Variants in WDR53 observed in about 807,000 individuals in gnomAD.
The protein encoded by WDR53 is WD repeat-containing protein 53.
WDR53 carries 19 observed loss-of-function variants against 21.3 expected under a neutral mutation model. That is an observed-to-expected ratio of 0.89 (90% CI 0.62 to 1.31). WDR53 has a LOEUF of 1.31. Among genes scored for constraint, WDR53 ranks in the 50% most tolerant of loss-of-function variants. The pLI, the probability that WDR53 is intolerant of heterozygous loss-of-function variation, is 0.00. For synonymous variants in WDR53, 157 were observed against 163.4 expected, an observed-to-expected ratio of 0.96 and a Z score of 0.30; for missense variants, 374 against 423.2, an observed-to-expected ratio of 0.88 and a Z score of 1.02.
chr3:196,564,304 G>C (rs1735160435), intron 2 of WDR53, among the ~76,000 whole-genome samples: 1 of 152,012 alleles, frequency 6.6e-6, no homozygotes, highest in Non-Finnish European at 1.5e-5. Context: ...TCATGATAAA[G>C]ATGCTATCCT....
At chr3:196,566,570 C>T (rs768884331) in intron 2 of WDR53, among the ~76,000 whole-genome samples, 21 of 152,226 alleles carry the variant, frequency 1.4e-4, no homozygotes, top group African/African-American at 4.1e-4. Flanking sequence ...TGCACCACCA[C>T]GCCCGGTTAA....
rs750744733 is a variant in WDR53 at position 196,554,779 on chromosome 3, C to T, written c.509G>A (p.Arg170Gln). ...QVMLWSLQKA[R>Q]PLWITNLQED... Reference sequence around the variant, plus strand: ...CTGTAAATTTGTAATCCAGAGTGGTCGGGCTTTTTGAAGACTCCACAGCAT... The same window carrying T: ...CTGTAAATTTGTAATCCAGAGTGGTTGGGCTTTTTGAAGACTCCACAGCAT... Residue 170 changes from arginine (R) to glutamine (Q), a missense_variant, in exon 4 of 4, where the codon CGA (arginine) becomes CAA (glutamine). By Grantham distance (43) the Arg-to-Gln change is conservative. Transcript: ENST00000332629. 18 of 1,613,936 alleles carry T rather than the reference C, an allele frequency of 1.1e-5. No homozygotes were observed. Among genetic ancestry groups the T allele is most frequent in the East Asian group, 2.2e-5 (1 of 44,884 alleles).
At position 196,554,225 on chromosome 3, in the gene WDR53, A is replaced by C; in HGVS notation, c.1063T>G (p.Leu355Val). 1 of 1,574,336 alleles carries C rather than the reference A, an allele frequency of 6.4e-7. No individual in the cohort carries two copies. The highest frequency in any genetic ancestry group is 8.6e-7 in the Non-Finnish European group (1 of 1,158,770). ...TTTTATTGGATTTAAAATTCATTTA[A>C]GGGGTATACAGATATACAACTAGTT... ...DQTSCISVYP[L>V]NEF is the part of the protein sequence containing the mutation. The change falls in exon 4 of 4, where the codon TTA becomes GTA. Residue 355 changes from leucine to valine, a missense_variant. Coordinates refer to ENST00000332629, the MANE Select transcript of WDR53 (RefSeq NM_182627.3).
At chr3:196,565,799 T>C (rs139319728) in intron 2 of WDR53, among the ~76,000 whole-genome samples, 28 of 152,336 alleles carry the variant, frequency 1.8e-4, no homozygotes, top group South Asian at 8.3e-4. Flanking sequence ...GGAAAAAATG[T>C]AATTAAAGTT....
Position 196,554,926 on chromosome 3 carries a change from G to A in WDR53, c.481-119C>T, listed in dbSNP as rs148164302. The A allele has an allele frequency of 3.6e-4, 271 of 760,554 alleles. 1 individual carries two copies. In the East Asian group the frequency reaches 6.2e-3, roughly 17 times the overall value. The allele number at this position is 760,554 out of a possible 1,614,324, so 47.1% of individuals were successfully genotyped here. On this transcript the variant is annotated intron_variant, in intron 3 of 3. Coordinates refer to ENST00000332629, the MANE Select transcript of WDR53 (RefSeq NM_182627.3). Reference sequence around the variant, plus strand: ...AGTCTGAGAATGAGCAGTAGTGCACGTTCTCAGCAGTATTAAAAAATAATC... The same window carrying A: ...AGTCTGAGAATGAGCAGTAGTGCACATTCTCAGCAGTATTAAAAAATAATC...
At position 196,561,467 on chromosome 3, in the gene WDR53, G is replaced by C. The variant is rs1734867630; in HGVS notation, c.9C>G (p.Val3=). 6.2e-7 allele frequency: 1 copy of C among 1,612,222 alleles called. No individual in the cohort carries two copies. Among genetic ancestry groups the C allele is most frequent in the African/African-American group, 1.3e-5 (1 of 74,878 alleles). MA[V]KWTGGHSSPV... ...GAGAAGAATGCCCACCCGTCCACTT[G>C]ACTGCCATAATGGTCCCGGAGACTC... is the stretch of plus-strand genomic sequence containing the variant. Residue 3 remains valine (V), a synonymous_variant, in exon 3 of 4, where the codon GTC becomes GTG. Coordinates refer to ENST00000332629, the MANE Select transcript of WDR53 (RefSeq NM_182627.3).
intron 3 of WDR53, among the ~76,000 whole-genome samples, chr3:196,555,163 T>A (rs1273334497): frequency 6.6e-6 from 1 of 152,226 alleles, no homozygotes; most frequent in African/African-American, 2.4e-5. Context: ...TAGTCTATGC[T>A]GGTTATAGGT....
chr3:196,558,291 C>T (rs57675253), intron 3 of WDR53, among the ~76,000 whole-genome samples: 138 of 152,228 alleles, frequency 9.1e-4, no homozygotes, highest in African/African-American at 3.2e-3. Flanking sequence ...CTACAACCTC[C>T]ACCTCCCTGG....
chr3:196,565,759 T>G (rs1577582021), intron 2 of WDR53, among the ~76,000 whole-genome samples: 2 of 152,346 alleles, frequency 1.3e-5, no homozygotes, highest in African/African-American at 4.8e-5. Context: ...ATGAAAAAGT[T>G]AATCAGATTG....
At chr3:196,560,934 A>G in intron 3 of WDR53, 62 bp downstream of exon 3, 1 of 1,538,666 alleles carries the variant, frequency 6.5e-7, no homozygotes, top group South Asian at 1.3e-5. Context: ...GTGATCAATA[A>G]TTTGATCCTG....
At position 196,561,199 on chromosome 3, in the gene WDR53, T is replaced by C; in HGVS notation, c.277A>G (p.Asn93Asp). 6.2e-7 allele frequency: 1 copy of C among 1,614,232 alleles called. No homozygotes were observed. Among genetic ancestry groups the C allele is most frequent in the Non-Finnish European group, 8.5e-7 (1 of 1,180,036 alleles). ...LKDSLDHFHV[N>D]EEEINCLSLN... Reference sequence around the variant, plus strand: ...GAAAGACAATTGATTTCTTCTTCATTCACATGAAAATGGTCCAAGGAATCT... The same window carrying C: ...GAAAGACAATTGATTTCTTCTTCATCCACATGAAAATGGTCCAAGGAATCT... Residue 93 changes from asparagine (N) to aspartate (D), a missense_variant, in exon 3 of 4, where the codon AAT (asparagine) becomes GAT (aspartate). Transcript: ENST00000332629.
rs1192131161 is a variant in WDR53 at position 196,554,285 on chromosome 3, T to C, written c.1003A>G (p.Ile335Val). 1.2e-5 allele frequency: 20 copies of C among 1,614,168 alleles called. No homozygotes were observed. Among genetic ancestry groups the C allele is most frequent in the Non-Finnish European group, 1.6e-5 (19 of 1,180,012 alleles). Reference protein sequence around the residue: ...EKVNWLLGTKIKGHQNILVAD... With the variant: ...EKVNWLLGTKVKGHQNILVAD... ...ACTAATATATTTTGGTGTCCCTTTA[T>C]TTTTGTACCCAAGAGCCAGTTCACT... The change falls in exon 4 of 4, where the codon ATA becomes GTA. Residue 335 changes from isoleucine (I) to valine (V), a missense_variant. Coordinates refer to ENST00000332629, the MANE Select transcript of WDR53 (RefSeq NM_182627.3).
At chr3:196,567,389 C>T (rs1735511334) in intron 1 of WDR53, 82 bp from the exon 2 acceptor site, 2 of 367,432 alleles carry the variant, frequency 5.4e-6, no homozygotes, top group South Asian at 4.1e-5. Flanking sequence ...AATAATCAAA[C>T]ACCATGAATC....
At chr3:196,559,351 T>A (rs1734613298) in intron 3 of WDR53, among the ~76,000 whole-genome samples, 1 of 152,158 alleles carries the variant, frequency 6.6e-6, no homozygotes, top group African/African-American at 2.4e-5. Flanking sequence ...GCCCCATACA[T>A]GTAGAGTGAG....
intron 3 of WDR53, among the ~76,000 whole-genome samples, chr3:196,555,580 T>C (rs1010138009): frequency 6.6e-6 from 1 of 152,238 alleles, no homozygotes; most frequent in African/African-American, 2.4e-5. Context: ...TATCATCTAG[T>C]GATTCATTCT....
chr3:196,554,489 A>G lies in WDR53; in HGVS notation c.799T>C (p.Leu267=). ...LTGGNDGKIT[L]WDANSEVEKK... ...TCAACTTCACTGTTTGCATCCCACA[A>G]CGTGATCTTCCCATCATTCCCTCCA... Residue 267 remains leucine (L), a synonymous_variant, in exon 4 of 4, where the codon TTG becomes CTG. Transcript: ENST00000332629. 1 of 1,614,126 alleles carries G rather than the reference A, an allele frequency of 6.2e-7. No homozygotes were observed. Among genetic ancestry groups the G allele is most frequent in the Non-Finnish European group, 8.5e-7 (1 of 1,180,026 alleles).
At chr3:196,556,063 A>T (rs9819281) in intron 3 of WDR53, among the ~76,000 whole-genome samples, 126,311 of 149,458 alleles carry the variant, frequency 0.85, 53,565 homozygotes, top group East Asian at 0.98. Flanking sequence ...TTTTTTTTTT[A>T]AAAATAGGGT....
chr3:196,561,466 T>G lies in WDR53; in HGVS notation c.10A>C (p.Lys4Gln). 6.2e-7 allele frequency: 1 copy of G among 1,612,488 alleles called. No individual in the cohort carries two copies. Among genetic ancestry groups the G allele is most frequent in the Non-Finnish European group, 8.5e-7 (1 of 1,179,312 alleles). ...GGAGAAGAATGCCCACCCGTCCACTTGACTGCCATAATGGTCCCGGAGACT... is the reference window on the plus strand; with the variant it reads ...GGAGAAGAATGCCCACCCGTCCACTGGACTGCCATAATGGTCCCGGAGACT... MAVKWTGGHSSPVL... is the reference protein window; with the variant it reads MAVQWTGGHSSPVL... The change falls in exon 3 of 4, where the codon AAG becomes CAG. Residue 4 changes from lysine (K) to glutamine (Q), a missense_variant. Lys to Gln is a moderately conservative substitution (Grantham distance 53, BLOSUM62 1). Transcript: ENST00000332629.
chr3:196,557,002 G>T (rs1734377890), intron 3 of WDR53, among the ~76,000 whole-genome samples: 1 of 152,132 alleles, frequency 6.6e-6, no homozygotes, highest in Non-Finnish European at 1.5e-5. Flanking sequence ...AGACTCCAAG[G>T]TGTTTCACAC....
Sources: gnomAD v4.1 joint callset for allele counts (sites outside exome capture counted in the v4.1 genomes callset) on GRCh38, gnomAD v4.1.1 for gene constraint, MANE v1.5 for transcripts, NCBI Gene and HGNC (gene_info 2026-07-23, HGNC 2026-07-21) for gene names.